The following PCSK5 variants were observed in gnomAD, a reference collection of about 807,000 sequenced individuals.
The protein encoded by PCSK5 is proprotein convertase subtilisin/kexin type 5, also known as prohormone convertase 5.
PCSK5 carries 129 observed loss-of-function variants against 233.2 expected under a neutral mutation model. That is an observed-to-expected ratio of 0.55 (90% CI 0.48 to 0.64). The LOEUF (loss-of-function observed/expected upper bound fraction) is 0.64, where lower values mean the gene tolerates loss of function less well. Ranked by LOEUF, PCSK5 falls within the 30% of genes least tolerant of loss-of-function variation. The pLI, the probability that PCSK5 is intolerant of heterozygous loss-of-function variation, is 0.00. For missense variants in PCSK5, 2,076 were observed against 2,430.1 expected, an observed-to-expected ratio of 0.85 and a Z score of 3.06; for synonymous variants, 825 against 879.2, an observed-to-expected ratio of 0.94 and a Z score of 1.09.
chr9:76,186,122 AATATT>A (rs1205706852), intron 17 of PCSK5, among the ~76,000 whole-genome samples: 1 of 152,168 alleles, frequency 6.6e-6, no homozygotes, highest in Non-Finnish European at 1.5e-5. Flanking sequence ...ATATATCTAA[AATATT>A]ATCATTTCAA....
intron 16 of PCSK5, among the ~76,000 whole-genome samples, chr9:76,182,228 A>C (rs1390667089): frequency 6.6e-6 from 1 of 152,226 alleles, no homozygotes; most frequent in Non-Finnish European, 1.5e-5. Flanking sequence ...TAAGGACAAC[A>C]TTCAGGCTGC....
At chr9:76,290,040 A>G (rs1310834266) in intron 24 of PCSK5, among the ~76,000 whole-genome samples, 2 of 152,226 alleles carry the variant, frequency 1.3e-5, no homozygotes, top group Admixed American at 6.5e-5. Context: ...AACATTAAAG[A>G]ACAGGATTAG....
intron 9 of PCSK5, among the ~76,000 whole-genome samples, chr9:76,126,171 G>A (rs1341727796): frequency 3.1e-5 from 1 of 32,312 alleles, no homozygotes; most frequent in Non-Finnish European, 7.1e-5. Context: ...TTTTTCCTGC[G>A]TGTGTGTGTA....
At chr9:75,907,369 A>G (rs548455936) in intron 1 of PCSK5, among the ~76,000 whole-genome samples, 1 of 152,220 alleles carries the variant, frequency 6.6e-6, no homozygotes, top group Non-Finnish European at 1.5e-5. Context: ...AAAATTCTAT[A>G]TAGTCAAGAA....
intron 3 of PCSK5, among the ~76,000 whole-genome samples, chr9:76,007,052 T>G (rs1827508614): frequency 6.6e-6 from 1 of 152,192 alleles, no homozygotes; most frequent in South Asian, 2.1e-4. Flanking sequence ...TATTTATGCC[T>G]TTCTTCAATG....
At chr9:75,893,177 A>G (rs924026453) in intron 1 of PCSK5, among the ~76,000 whole-genome samples, 1 of 152,132 alleles carries the variant, frequency 6.6e-6, no homozygotes, top group Admixed American at 6.5e-5. Context: ...ACACATGACC[A>G]GGCATTTTTG....
intron 3 of PCSK5, among the ~76,000 whole-genome samples, chr9:76,002,003 G>A (rs181966257): frequency 6.6e-6 from 1 of 152,272 alleles, no homozygotes; most frequent in East Asian, 1.9e-4. Flanking sequence ...TTAATTTAAT[G>A]TGTAACAGAA....
rs535704399 is a variant in PCSK5 at position 76,327,910 on chromosome 9, T to C, written c.4340-99T>C. On this transcript the variant is annotated intron_variant, in intron 32 of 37. Coordinates refer to ENST00000674117, the MANE Select transcript of PCSK5 (RefSeq NM_001372043.1). ...GAGCTCTGGAAATCTCCGGAAGAAA[T>C]GTGAAAGGAATGTGAAGACCCTTTC... 17 of 777,820 alleles carry C rather than the reference T, an allele frequency of 2.2e-5. No individual in the cohort carries two copies. In the African/African-American group the frequency reaches 2.7e-4, roughly 12 times the overall value. 48.2% of individuals were successfully genotyped at this position (777,820 alleles called of 1,614,324 possible).
chr9:76,159,228 C>T, intron 12 of PCSK5, 57 bp downstream of exon 12: 1 of 1,509,724 alleles, frequency 6.6e-7, no homozygotes, highest in Non-Finnish European at 9.1e-7. Flanking sequence ...TCGGCTATTC[C>T]TTAGGTAGAA....
At chr9:75,911,201 G>GTTTTTTTTTTTTTTTTTTTTTTTT (rs71370772) in intron 1 of PCSK5, among the ~76,000 whole-genome samples, 4 of 48,764 alleles carry the variant, frequency 8.2e-5, no homozygotes, top group Admixed American at 3.7e-4. Flanking sequence ...GAACATATAG[G>GTTTTTTTTTTTTTTTTTTTTTTTT]TTTTTTTTTT....
At chr9:75,891,451 T>C in intron 1 of PCSK5, 78 bp downstream of exon 1, 4 of 1,146,434 alleles carry the variant, frequency 3.5e-6, no homozygotes, top group Admixed American at 2.7e-5. Flanking sequence ...TGGAACCCCC[T>C]CCCCCTCTTC....
chr9:76,329,455 A>C (rs1156464906), intron 33 of PCSK5, among the ~76,000 whole-genome samples: 2 of 151,814 alleles, frequency 1.3e-5, no homozygotes, highest in African/African-American at 4.8e-5. Context: ...CCACTATGCC[A>C]GGCCCTTCCA....
At chr9:76,202,507 G>A (rs1463251928) in intron 20 of PCSK5, among the ~76,000 whole-genome samples, 4 of 152,164 alleles carry the variant, frequency 2.6e-5, no homozygotes, top group Non-Finnish European at 5.9e-5. Flanking sequence ...TGAAGGCCAG[G>A]GTCAATCTGA....
At chr9:76,194,393 C>A (rs1824583363) in intron 20 of PCSK5, 1 of 152,372 alleles carries the variant, frequency 6.6e-6, no homozygotes, top group Non-Finnish European at 1.5e-5. Context: ...AAGCTTGTGC[C>A]CATGTTGGCC....
intron 20 of PCSK5, among the ~76,000 whole-genome samples, chr9:76,210,178 T>C (rs1305504893): frequency 6.6e-6 from 1 of 151,960 alleles, no homozygotes; most frequent in Non-Finnish European, 1.5e-5. Context: ...GAGAGTCAGA[T>C]AGGGAAGGGA....
At chr9:76,071,502 T>C (rs959673105) in intron 6 of PCSK5, among the ~76,000 whole-genome samples, 3 of 152,016 alleles carry the variant, frequency 2.0e-5, no homozygotes, top group Non-Finnish European at 2.9e-5. Context: ...AAAAAGAAAA[T>C]GGATTAAAAA....
intron 30 of PCSK5, 103 bp downstream of exon 30, chr9:76,310,954 G>T (rs1029420807): frequency 5.2e-6 from 4 of 771,080 alleles, no homozygotes; most frequent in African/African-American, 1.8e-5. Context: ...TCTGCTCTAC[G>T]AGCACCCACA....
At chr9:76,080,274 T>C (rs1830785873) in intron 7 of PCSK5, among the ~76,000 whole-genome samples, 1 of 152,210 alleles carries the variant, frequency 6.6e-6, no homozygotes. Flanking sequence ...CTCATCTAAC[T>C]TGTCTTTTTA....
chr9:76,275,800 TC>T (rs1827671835), intron 24 of PCSK5, among the ~76,000 whole-genome samples: 1 of 152,212 alleles, frequency 6.6e-6, no homozygotes, highest in African/African-American at 2.4e-5. Flanking sequence ...AAAAAATATT[TC>T]TGTGGTACAC....
Sources: gnomAD v4.1 joint callset for allele counts (sites outside exome capture counted in the v4.1 genomes callset) on GRCh38, gnomAD v4.1.1 for gene constraint, MANE v1.5 for transcripts, NCBI Gene and HGNC (gene_info 2026-07-23, HGNC 2026-07-21) for gene names.